Variants in CCDC141 observed in about 807,000 individuals in gnomAD.
The protein encoded by CCDC141 is coiled-coil domain containing 141, also known as coiled-coil domain-containing protein 141.
In CCDC141, 168 loss-of-function variants were observed where a neutral mutation model predicts 181.0. The ratio of observed to expected loss-of-function variants is 0.93; its 90% CI spans 0.82 to 1.05. The LOEUF (loss-of-function observed/expected upper bound fraction) is 1.05, where lower values mean the gene tolerates loss of function less well. CCDC141 is among the 50% of genes least tolerant of loss of function. The pLI is 0.00. For synonymous variants in CCDC141, 666 were observed against 642.3 expected (o/e 1.04, Z -0.56); for missense variants, 1,902 against 1,788.5 (o/e 1.06, Z -1.14).
At chr2:178,982,663 G>A (rs1691478100) in intron 2 of CCDC141, among the ~76,000 whole-genome samples, 1 of 152,216 alleles carries the variant, frequency 6.6e-6, no homozygotes, top group African/African-American at 2.4e-5. Flanking sequence ...GAAGCACAAG[G>A]GGTCAGGGAG....
At chr2:179,028,318 A>G (rs939100635) in intron 2 of CCDC141, among the ~76,000 whole-genome samples, 1 of 152,216 alleles carries the variant, frequency 6.6e-6, no homozygotes, top group African/African-American at 2.4e-5. Flanking sequence ...ACTATACTTT[A>G]TAAGTGCAGT....
At chr2:178,866,773 T>A (rs1685873659) in intron 16 of CCDC141, among the ~76,000 whole-genome samples, 1 of 152,198 alleles carries the variant, frequency 6.6e-6, no homozygotes, top group African/African-American at 2.4e-5. Flanking sequence ...TCGCCCAGGC[T>A]GGAGTGCAAT....
At chr2:178,937,143 G>T (rs188494095) in intron 6 of CCDC141, among the ~76,000 whole-genome samples, 4 of 152,278 alleles carry the variant, frequency 2.6e-5, no homozygotes, top group Non-Finnish European at 5.9e-5. Context: ...TAAGAGTGGT[G>T]AAAGAGGGCA....
At chr2:178,993,516 AC>A (rs1321271217) in intron 2 of CCDC141, among the ~76,000 whole-genome samples, 1 of 152,182 alleles carries the variant, frequency 6.6e-6, no homozygotes, top group East Asian at 1.9e-4. Context: ...ATTGCTTCCC[AC>A]CAGGTCTCTC....
chr2:178,951,072 C>A (rs1456799989), intron 5 of CCDC141, among the ~76,000 whole-genome samples: 1 of 152,070 alleles, frequency 6.6e-6, no homozygotes, highest in Admixed American at 6.5e-5. Flanking sequence ...TGTCTCTGGA[C>A]CTAAATTTTA....
chr2:179,028,679 ATTGATTCT>A (rs2042922826), intron 2 of CCDC141, among the ~76,000 whole-genome samples: 2 of 152,332 alleles, frequency 1.3e-5, no homozygotes, highest in South Asian at 4.1e-4. Context: ...ATGTAAAATT[ATTGATTCT>A]AAAATATATT....
At chr2:178,899,054 C>T (rs963391142) in intron 8 of CCDC141, among the ~76,000 whole-genome samples, 3 of 152,134 alleles carry the variant, frequency 2.0e-5, no homozygotes, top group African/African-American at 7.2e-5. Flanking sequence ...CAGTTATACA[C>T]TGTATAACAT....
intron 17 of CCDC141, among the ~76,000 whole-genome samples, chr2:178,858,404 A>C (rs1193570184): frequency 6.6e-6 from 1 of 151,518 alleles, no homozygotes; most frequent in African/African-American, 2.4e-5. Flanking sequence ...ATTTACATAA[A>C]ATTTTGGCAG....
Position 178,885,085 on chromosome 2 carries a change from G to A in CCDC141, c.1535C>T (p.Ser512Leu). ...LELDIQAKET[S>L]HELEAAAKTM... ...TTTTGCAGCTGCTTCTAATTCATGT[G>A]ATGTCTCCTGTAAAAGCAAAGCACT... The change falls in exon 11 of 24, where the codon TCA (serine) becomes TTA (leucine). Residue 512 changes from serine to leucine, a missense_variant. Ser to Leu is a moderately radical substitution (Grantham distance 145, BLOSUM62 -2). Coordinates refer to ENST00000443758, the MANE Select transcript of CCDC141 (RefSeq NM_173648.4). 1 of 1,548,116 alleles carries A rather than the reference G, an allele frequency of 6.5e-7. No homozygotes were observed. Among genetic ancestry groups the A allele is most frequent in the Non-Finnish European group, 8.7e-7 (1 of 1,145,478 alleles).
chr2:178,822,969 C>A, the CCDC141 span, among the ~76,000 whole-genome samples: 6 of 152,062 alleles, frequency 3.9e-5, no homozygotes, highest in Non-Finnish European at 8.8e-5. Context: ...AGCCAACCTG[C>A]AAAGTTTCAG....
At chr2:178,986,096 G>A (rs888880779) in intron 2 of CCDC141, among the ~76,000 whole-genome samples, 1 of 152,166 alleles carries the variant, frequency 6.6e-6, no homozygotes, top group Non-Finnish European at 1.5e-5. Context: ...GAATCCAGCA[G>A]CACATCAAAA....
At chr2:178,904,615 G>C (rs765139586) in intron 8 of CCDC141, among the ~76,000 whole-genome samples, 19 of 152,074 alleles carry the variant, frequency 1.2e-4, no homozygotes, top group Non-Finnish European at 2.5e-4. Flanking sequence ...AAAAATGTAA[G>C]CCCTGCTTTC....
chr2:178,874,304 T>C (rs1686258318), intron 12 of CCDC141: 1 of 152,226 alleles, frequency 6.6e-6, no homozygotes, highest in East Asian at 1.9e-4. Context: ...ATTTATCATA[T>C]GATAGTGGTA....
At chr2:179,009,245 A>G (rs1448360628) in intron 2 of CCDC141, among the ~76,000 whole-genome samples, 1 of 152,084 alleles carries the variant, frequency 6.6e-6, no homozygotes, top group Non-Finnish European at 1.5e-5. Flanking sequence ...TGAAGCTGTT[A>G]CAACTTTATT....
chr2:178,983,519 G>C (rs1232721183), intron 2 of CCDC141, among the ~76,000 whole-genome samples: 3 of 149,106 alleles, frequency 2.0e-5, no homozygotes, highest in African/African-American at 7.4e-5. Context: ...ATTATTCTGA[G>C]CTACGGGAGG....
chr2:178,852,732 T>C (rs1167983744), intron 20 of CCDC141, among the ~76,000 whole-genome samples: 1 of 152,232 alleles, frequency 6.6e-6, no homozygotes, highest in Non-Finnish European at 1.5e-5. Context: ...TGGGAATTAC[T>C]CTGGGTCTCA....
intron 8 of CCDC141, among the ~76,000 whole-genome samples, chr2:178,903,897 C>T (rs62177303): frequency 0.31 from 47,338 of 151,766 alleles, 8,342 homozygotes; most frequent in Middle Eastern, 0.41. Context: ...GTGACTGGAC[C>T]ATTTTGAAAT....
chr2:179,048,741 G>A (rs1021560649), intron 1 of CCDC141, among the ~76,000 whole-genome samples: 4 of 152,192 alleles, frequency 2.6e-5, no homozygotes, highest in African/African-American at 9.7e-5. Flanking sequence ...CAGAGGCCTG[G>A]TTCCTGTGGG....
At chr2:178,941,718 T>C (rs1689519501) in intron 6 of CCDC141, among the ~76,000 whole-genome samples, 1 of 151,606 alleles carries the variant, frequency 6.6e-6, no homozygotes, top group Admixed American at 6.6e-5. Flanking sequence ...TTTAGAAGGC[T>C]GAGGTGGGAG....
Sources: gnomAD v4.1 joint callset for allele counts (sites outside exome capture counted in the v4.1 genomes callset) on GRCh38, gnomAD v4.1.1 for gene constraint, MANE v1.5 for transcripts, NCBI Gene and HGNC (gene_info 2026-07-23, HGNC 2026-07-21) for gene names.